The following KIRREL3 variants were observed in gnomAD, a reference collection of about 807,000 sequenced individuals.
KIRREL3 encodes kirre like nephrin family adhesion molecule 3.
In KIRREL3, 36 loss-of-function variants were observed where a neutral mutation model predicts 89.7. The observed-to-expected ratio is 0.40, with a 90% CI of 0.31 to 0.53. The LOEUF (loss-of-function observed/expected upper bound fraction) is 0.53, where lower values mean the gene tolerates loss of function less well. Ranked by LOEUF, KIRREL3 falls within the 20% of genes least tolerant of loss-of-function variation. KIRREL3 has a pLI of 0.49. For synonymous variants in KIRREL3, 445 were observed against 441.4 expected, an observed-to-expected ratio of 1.01 and a Z score of -0.10; for missense variants, 864 against 1,056.6, an observed-to-expected ratio of 0.82 and a Z score of 2.53.
rs1352852141 is a variant in KIRREL3 at position 126,965,483 on chromosome 11, T to A, written c.55+34972A>T. Among the ~76,000 whole-genome samples the A allele has an allele frequency of 6.6e-6, 1 of 152,156 alleles. No individual in the cohort carries two copies. The highest frequency in any genetic ancestry group is 3.2e-3 in the Middle Eastern group (1 of 316). On this transcript the variant is annotated intron_variant, in intron 1 of 16. Coordinates refer to ENST00000525144, the MANE Select transcript of KIRREL3 (RefSeq NM_032531.4). The surrounding 1 kb of genome is among the most constrained non-coding windows in gnomAD (Gnocchi z 4.4). ...ATTCTCATACAATACCTCTTCTCAG[T>A]AACAAGATGCTGGTACTGAGAAACC...
In KIRREL3 at chr11:126,773,924, A is replaced by G. The variant is rs1048250996; in HGVS notation, c.56-211012T>C. 6.6e-6 allele frequency among the ~76,000 whole-genome samples: 1 copy of G among 152,158 alleles called. No individual in the cohort carries two copies. Among genetic ancestry groups the G allele is most frequent in the Non-Finnish European group, 1.5e-5 (1 of 68,036 alleles). ...AGGTGAGGAGGTTGTGCACTTGTCC[A>G]CTCTTAACTCTTTTTTACTATTGAA... On this transcript the variant is annotated intron_variant, in intron 1 of 16. Transcript: ENST00000525144. The surrounding 1 kb of genome is among the most constrained non-coding windows in gnomAD (Gnocchi z 4.2).
intron 1 of KIRREL3, among the ~76,000 whole-genome samples, chr11:126,616,459 C>A (rs933349963): frequency 1.5e-4 from 4 of 27,502 alleles, no homozygotes; most frequent in African/African-American, 3.3e-4. Flanking sequence ...TAGAGGCTTT[C>A]CAGAAAACTC....
intron 1 of KIRREL3, among the ~76,000 whole-genome samples, chr11:126,964,191 A>G (rs1262533085): frequency 2.0e-5 from 3 of 152,180 alleles, no homozygotes; most frequent in African/African-American, 7.2e-5. Context: ...CTAAATCTGT[A>G]CATACAAAGC....
At chr11:126,798,568 G>A (rs1950886543) in intron 1 of KIRREL3, among the ~76,000 whole-genome samples, 1 of 152,208 alleles carries the variant, frequency 6.6e-6, no homozygotes, top group Non-Finnish European at 1.5e-5. Context: ...TTATTTGTAA[G>A]TACATTTAGC....
intron 1 of KIRREL3, among the ~76,000 whole-genome samples, chr11:126,855,909 A>G (rs544284425): frequency 6.6e-6 from 1 of 152,306 alleles, no homozygotes; most frequent in Admixed American, 6.5e-5. Flanking sequence ...GACAGGGCCT[A>G]TGGACCCAGC....
In KIRREL3 at chr11:126,723,962, T is replaced by C. The variant is rs955216030; in HGVS notation, c.56-161050A>G. On this transcript the variant is annotated intron_variant, in intron 1 of 16. Transcript: ENST00000525144. This position sits in a 1 kb window ranked among gnomAD's most constrained non-coding sequence, Gnocchi z 4.0. ...ATTGCAGAAAACTAGACCAATGATC[T>C]GATTGCTTTCATAAGCTCCATGATG... 6.6e-6 allele frequency among the ~76,000 whole-genome samples: 1 copy of C among 152,238 alleles called. No homozygotes were observed. Among genetic ancestry groups the C allele is most frequent in the African/African-American group, 2.4e-5 (1 of 41,476 alleles).
At chr11:126,468,698 G>A (rs925282852) in intron 5 of KIRREL3, among the ~76,000 whole-genome samples, 9 of 152,218 alleles carry the variant, frequency 5.9e-5, no homozygotes, top group South Asian at 2.1e-4. Flanking sequence ...TCCCCCTGTG[G>A]GACAGGAGCC....
chr11:126,517,136 A>AAG (rs199586143), intron 4 of KIRREL3, among the ~76,000 whole-genome samples: 3,646 of 140,838 alleles, frequency 0.026, 98 homozygotes, highest in East Asian at 0.079. Context: ...GAGAGAGAGA[A>AAG]AGAGAGAGAG....
At position 126,537,349 on chromosome 11, in the gene KIRREL3, G is replaced by A. The variant is rs1937978939; in HGVS notation, c.134-10662C>T. 6.6e-6 allele frequency among the ~76,000 whole-genome samples: 1 copy of A among 152,184 alleles called. No individual in the cohort carries two copies. The stretch of plus-strand genomic sequence containing the variant: ...AGGTTACTGGATTACAAGGGATAAA[G>A]TGGTCTCATAGAGAAGTCATATAAA... On this transcript the variant is annotated intron_variant, in intron 2 of 16. Transcript: ENST00000525144. The surrounding 1 kb of genome is among the most constrained non-coding windows in gnomAD (Gnocchi z 4.3).
chr11:126,837,363 T>C lies in KIRREL3; in HGVS notation c.55+163092A>G, dbSNP rs1424720141. Among the ~76,000 whole-genome samples, 1 of 152,168 alleles carries C rather than the reference T, an allele frequency of 6.6e-6. No homozygotes were observed. Among genetic ancestry groups the C allele is most frequent in the Non-Finnish European group, 1.5e-5 (1 of 68,026 alleles). On this transcript the variant is annotated intron_variant, in intron 1 of 16. Coordinates refer to ENST00000525144, the MANE Select transcript of KIRREL3 (RefSeq NM_032531.4). This position sits in a 1 kb window ranked among gnomAD's most constrained non-coding sequence, Gnocchi z 4.7. ...GTACAAAGAAGAAAATTATCAAATA[T>C]AGCTGAGATAATATTTCAAAACTCT...
chr11:126,930,358 T>C (rs1356068158), intron 1 of KIRREL3, among the ~76,000 whole-genome samples: 1 of 152,156 alleles, frequency 6.6e-6, no homozygotes, highest in Non-Finnish European at 1.5e-5. Flanking sequence ...TTTGCGATGT[T>C]TGGAGCTCAC....
chr11:126,656,097 C>T lies in KIRREL3; in HGVS notation c.56-93185G>A. 1 of 455,624 alleles carries T rather than the reference C, an allele frequency of 2.2e-6. No homozygotes were observed. The highest frequency in any genetic ancestry group is 4.4e-6 in the Non-Finnish European group (1 of 226,710). The allele number at this position is 455,624 out of a possible 1,614,324, so 28.2% of individuals were successfully genotyped here. A position where few individuals can be genotyped will look rare whatever the true frequency, so the allele number is the denominator to read the frequency against. On this transcript the variant is annotated intron_variant, in intron 1 of 16. Coordinates refer to ENST00000525144, the MANE Select transcript of KIRREL3 (RefSeq NM_032531.4). The surrounding 1 kb of genome is among the most constrained non-coding windows in gnomAD (Gnocchi z 4.0). The stretch of plus-strand genomic sequence containing the variant: ...ATTCTGGGACTATACCTTATCTATG[C>T]TGTGCAAAGGAATAAGAAACTAGTG...
In KIRREL3 at chr11:126,501,153, A is replaced by T. The variant is rs71475964; in HGVS notation, c.433+20162T>A. Among the ~76,000 whole-genome samples, 41,244 of 152,122 alleles carry T rather than the reference A, an allele frequency of 0.27. 5,794 individuals carry two copies. Among genetic ancestry groups the T allele is most frequent in the Non-Finnish European group, 0.29 (20,006 of 67,982 alleles). On this transcript the variant is annotated intron_variant, in intron 4 of 16. Coordinates refer to ENST00000525144, the MANE Select transcript of KIRREL3 (RefSeq NM_032531.4). The surrounding 1 kb of genome is among the most constrained non-coding windows in gnomAD (Gnocchi z 5.8). ...CAGTGCAAGGACACTACTGGTGGAC[A>T]GCTGGTCCGTCCCACACTTTTCTCT...
chr11:126,552,545 G>C (rs1252806450), intron 2 of KIRREL3, among the ~76,000 whole-genome samples: 1 of 107,964 alleles, frequency 9.3e-6, no homozygotes, highest in Non-Finnish European at 1.9e-5. Flanking sequence ...AGGGGAGAGA[G>C]AAAAGTTTTT....
In KIRREL3 at chr11:126,696,856, A is replaced by G. The variant is rs1947119013; in HGVS notation, c.56-133944T>C. 6.6e-6 allele frequency among the ~76,000 whole-genome samples: 1 copy of G among 152,094 alleles called. No individual in the cohort carries two copies. Among genetic ancestry groups the G allele is most frequent in the African/African-American group, 2.4e-5 (1 of 41,422 alleles). ...GGTTGACTAGCGCTTACATCCAGAC[A>G]CTACTGTACCACTTGCTTTCCGGGC... On this transcript the variant is annotated intron_variant, in intron 1 of 16. Transcript: ENST00000525144. The surrounding 1 kb of genome is among the most constrained non-coding windows in gnomAD (Gnocchi z 4.4).
In KIRREL3 at chr11:126,977,578, C is replaced by T. The variant is rs545929979; in HGVS notation, c.55+22877G>A. Among the ~76,000 whole-genome samples the T allele has an allele frequency of 6.6e-6, 1 of 152,196 alleles. No individual in the cohort carries two copies. The highest frequency in any genetic ancestry group is 1.5e-5 in the Non-Finnish European group (1 of 68,042). ...TCTTTCAACAAGCATTTATTGAATG[C>T]CTACTATGCACCTGTCTATTTCATC... is the stretch of plus-strand genomic sequence containing the variant. On this transcript the variant is annotated intron_variant, in intron 1 of 16. Coordinates refer to ENST00000525144, the MANE Select transcript of KIRREL3 (RefSeq NM_032531.4). This position sits in a 1 kb window ranked among gnomAD's most constrained non-coding sequence, Gnocchi z 4.7.
chr11:126,792,566 T>C (rs529953950), intron 1 of KIRREL3, among the ~76,000 whole-genome samples: 23 of 152,270 alleles, frequency 1.5e-4, no homozygotes, highest in African/African-American at 5.5e-4. Context: ...TCCTATTGCC[T>C]CCGTCAGAAA....
chr11:126,731,777 T>A (rs1005176695), intron 1 of KIRREL3, among the ~76,000 whole-genome samples: 1 of 152,230 alleles, frequency 6.6e-6, no homozygotes, highest in Non-Finnish European at 1.5e-5. Context: ...ACTAATCACA[T>A]GTGGTGGCTG....
rs144615507 is a variant in KIRREL3, at chr11:126,608,974, G to C, written c.56-46062C>G. On this transcript the variant is annotated intron_variant, in intron 1 of 16. Coordinates refer to ENST00000525144, the MANE Select transcript of KIRREL3 (RefSeq NM_032531.4). The surrounding 1 kb of genome is among the most constrained non-coding windows in gnomAD (Gnocchi z 4.9). The stretch of plus-strand genomic sequence containing the variant: ...GGGTCAGAGTACAGGGTGGGTAGCA[G>C]AAACAATCAGGCCAGAGGGGTATTT... 4.5e-4 allele frequency among the ~76,000 whole-genome samples: 69 copies of C among 152,338 alleles called. No individual in the cohort carries two copies. Among genetic ancestry groups the C allele is most frequent in the African/African-American group, 1.6e-3 (66 of 41,566 alleles).
Sources: allele counts gnomAD v4.1 joint callset (sites outside exome capture counted in the v4.1 genomes callset), GRCh38; gene constraint gnomAD v4.1.1; non-coding constraint Gnocchi (gnomAD v3.1); transcripts MANE v1.5; gene names NCBI Gene and HGNC (gene_info 2026-07-23, HGNC 2026-07-21).